Variants in TNIK observed in about 807,000 individuals in gnomAD.
TNIK encodes TRAF2 and NCK-interacting protein kinase.
Under a neutral mutation model 191.3 loss-of-function variants are expected in TNIK, and 49 were observed. The ratio of observed to expected loss-of-function variants is 0.26; its 90% CI spans 0.20 to 0.32. The LOEUF (loss-of-function observed/expected upper bound fraction) is 0.32, where lower values mean the gene tolerates loss of function less well. Among genes scored for constraint, TNIK ranks in the 10% least tolerant of loss-of-function variants. The probability of loss-of-function intolerance (pLI) is 1.00; values close to 1 mark genes in which losing one functional copy is unlikely to be tolerated. For synonymous variants in TNIK, 594 were observed against 600.9 expected (o/e 0.99, Z 0.17); for missense variants, 1,155 against 1,702.3 (o/e 0.68, Z 5.66).
intron 2 of TNIK, among the ~76,000 whole-genome samples, chr3:171,346,362 A>T (rs1160250554): frequency 6.6e-6 from 1 of 152,136 alleles, no homozygotes; most frequent in Non-Finnish European, 1.5e-5. Context: ...CCATAATTAA[A>T]CATTTTCTGA....
intron 19 of TNIK, among the ~76,000 whole-genome samples, 151 bp from the exon 20 acceptor site, chr3:171,108,313 A>G (rs1725288050): frequency 1.3e-5 from 2 of 152,224 alleles, no homozygotes; most frequent in Non-Finnish European, 2.9e-5. Flanking sequence ...AACATCCATG[A>G]AAAATATAAT....
At position 171,438,853 on chromosome 3, in the gene TNIK, C is replaced by T. The variant is rs114648991; in HGVS notation, c.57+21154G>A. 3.1e-3 allele frequency among the ~76,000 whole-genome samples: 479 copies of T among 152,242 alleles called. 3 individuals are homozygous for T. The highest frequency in any genetic ancestry group is 0.011 in the African/African-American group (451 of 41,530). ...TGGTGGGATCAGAATTTGGACTCCA[C>T]GCTCCAGGTTCAACCCCAGCCTCAT... On this transcript the variant is annotated intron_variant, in intron 1 of 32. Coordinates refer to ENST00000436636, the MANE Select transcript of TNIK (RefSeq NM_015028.4).
At chr3:171,250,764 G>A (rs985091860) in intron 2 of TNIK, among the ~76,000 whole-genome samples, 4 of 152,208 alleles carry the variant, frequency 2.6e-5, no homozygotes, top group Non-Finnish European at 5.9e-5. Flanking sequence ...AACTAAAATA[G>A]CTAATGTGAA....
chr3:171,327,275 A>T (rs1450671851), intron 2 of TNIK, among the ~76,000 whole-genome samples: 4 of 152,202 alleles, frequency 2.6e-5, no homozygotes, highest in African/African-American at 9.6e-5. Context: ...AACACTGGTG[A>T]CCTGCAAAAA....
chr3:171,067,243 G>T (rs1718555403), intron 30 of TNIK, among the ~76,000 whole-genome samples: 1 of 152,026 alleles, frequency 6.6e-6, no homozygotes, highest in Non-Finnish European at 1.5e-5. Context: ...GATAGCTTAA[G>T]TGGGGTCAAA....
chr3:171,122,066 C>G (rs1416494589), intron 18 of TNIK, among the ~76,000 whole-genome samples: 2 of 152,184 alleles, frequency 1.3e-5, no homozygotes, highest in African/African-American at 2.4e-5. Flanking sequence ...AACCACTGAC[C>G]ATCAAATACC....
intron 15 of TNIK, among the ~76,000 whole-genome samples, chr3:171,129,141 C>G (rs1263690060): frequency 6.6e-6 from 1 of 152,158 alleles, no homozygotes; most frequent in African/African-American, 2.4e-5. Context: ...AATTCGTGAC[C>G]TGCTAAGAGT....
intron 2 of TNIK, among the ~76,000 whole-genome samples, chr3:171,280,474 T>A (rs1188526437): frequency 6.6e-6 from 1 of 152,216 alleles, no homozygotes; most frequent in African/African-American, 2.4e-5. Flanking sequence ...CAGCTCATAG[T>A]GTGATGTAAG....
At chr3:171,350,228 A>G (rs1447524067) in intron 2 of TNIK, among the ~76,000 whole-genome samples, 1 of 152,190 alleles carries the variant, frequency 6.6e-6, no homozygotes, top group Non-Finnish European at 1.5e-5. Context: ...CTTAGATCCA[A>G]ACCTATGGTC....
chr3:171,298,907 G>A (rs988667938), intron 2 of TNIK, among the ~76,000 whole-genome samples: 21 of 152,210 alleles, frequency 1.4e-4, no homozygotes, highest in African/African-American at 5.1e-4. Context: ...GCTGATAGAT[G>A]AGAAGGGCAA....
At chr3:171,202,211 A>AT (rs1190649052) in intron 4 of TNIK, among the ~76,000 whole-genome samples, 1 of 151,220 alleles carries the variant, frequency 6.6e-6, no homozygotes, top group African/African-American at 2.5e-5. Flanking sequence ...GCATATATAT[A>AT]TGTTTTTTTT....
chr3:171,357,682 G>A (rs1376717526), intron 2 of TNIK, among the ~76,000 whole-genome samples: 2 of 151,864 alleles, frequency 1.3e-5, no homozygotes, highest in African/African-American at 4.8e-5. Flanking sequence ...AAACAGGTCA[G>A]AGTACGGAGA....
At chr3:171,406,258 C>T (rs1057379421) in intron 1 of TNIK, among the ~76,000 whole-genome samples, 1 of 152,054 alleles carries the variant, frequency 6.6e-6, no homozygotes, top group Non-Finnish European at 1.5e-5. Flanking sequence ...GGCTAGTCCA[C>T]TCTACTGCCT....
At chr3:171,288,241 C>T (rs369676284) in intron 2 of TNIK, among the ~76,000 whole-genome samples, 9,091 of 147,220 alleles carry the variant, frequency 0.062, 550 homozygotes, top group African/African-American at 0.16. Flanking sequence ...GTGGGTGCAG[C>T]GCACCAGCAT....
intron 18 of TNIK, among the ~76,000 whole-genome samples, chr3:171,115,181 A>C (rs1726480133): frequency 6.6e-6 from 1 of 152,188 alleles, no homozygotes; most frequent in African/African-American, 2.4e-5. Flanking sequence ...TAAATAAAAA[A>C]TCTCTTGAGA....
chr3:171,143,898 G>T (rs1393257261), intron 12 of TNIK, among the ~76,000 whole-genome samples: 1 of 152,152 alleles, frequency 6.6e-6, no homozygotes, highest in African/African-American at 2.4e-5. Context: ...ACTGGAGAAT[G>T]TTCTTCTAAA....
chr3:171,082,161 G>C, intron 27 of TNIK, 90 bp downstream of exon 27: 1 of 1,492,334 alleles, frequency 6.7e-7, no homozygotes, highest in Non-Finnish European at 9.0e-7. Flanking sequence ...TTGTTAGCTG[G>C]GAAGGGCAGA....
chr3:171,228,239 TAAC>T lies in TNIK; in HGVS notation c.124-21_124-19del. 1 of 1,613,234 alleles carries T rather than the reference TAAC, an allele frequency of 6.2e-7. No homozygotes were observed. On this transcript the variant is annotated intron_variant, in intron 2 of 32. Coordinates refer to ENST00000436636, the MANE Select transcript of TNIK (RefSeq NM_015028.4). ...TGACGACCCTGTGAAGAAAAAATAA[TAAC>T]AAAAGATTTAGTTCTGATGATGAAT...
chr3:171,340,177 A>G (rs781243813), intron 2 of TNIK, among the ~76,000 whole-genome samples: 1 of 152,226 alleles, frequency 6.6e-6, no homozygotes, highest in Non-Finnish European at 1.5e-5. Context: ...GATCCTAACC[A>G]TGGGAAAATG....
Sources: allele counts gnomAD v4.1 joint callset (sites outside exome capture counted in the v4.1 genomes callset), GRCh38; gene constraint gnomAD v4.1.1; transcripts MANE v1.5; gene names NCBI Gene and HGNC (gene_info 2026-07-23, HGNC 2026-07-21).